Variants in SLC14A2 observed in about 807,000 individuals in gnomAD.
SLC14A2 encodes solute carrier family 14 member 2.
In SLC14A2, 91 loss-of-function variants were observed where a neutral mutation model predicts 104.6. That is an observed-to-expected ratio of 0.87 (90% CI 0.73 to 1.04). SLC14A2 has a LOEUF of 1.04. SLC14A2 is among the 50% of genes least tolerant of loss of function. The pLI is 0.00. For synonymous variants in SLC14A2, 476 were observed against 466.4 expected, an observed-to-expected ratio of 1.02 and a Z score of -0.27; for missense variants, 1,189 against 1,156.0, an observed-to-expected ratio of 1.03 and a Z score of -0.41.
At chr18:45,486,287 T>C (rs2144713741) in intron 2 of SLC14A2, among the ~76,000 whole-genome samples, 1 of 152,272 alleles carries the variant, frequency 6.6e-6, no homozygotes, top group South Asian at 2.1e-4. Context: ...AACAGCTGTG[T>C]CTTGCGGGTT....
chr18:45,225,744 T>C (rs951022315), intron 1 of SLC14A2, among the ~76,000 whole-genome samples: 2 of 152,176 alleles, frequency 1.3e-5, no homozygotes, highest in African/African-American at 4.8e-5. Context: ...TTATTCTCTT[T>C]GAAGCAATTG....
chr18:45,544,962 T>C (rs1334180502), intron 2 of SLC14A2, among the ~76,000 whole-genome samples: 3 of 151,832 alleles, frequency 2.0e-5, no homozygotes, highest in African/African-American at 4.8e-5. Flanking sequence ...CCGGCTAATT[T>C]TGTGTTTTTA....
At chr18:45,209,196 A>T (rs2083940999), upstream of SLC14A2, among the ~76,000 whole-genome samples, 1 of 150,776 alleles carries the variant, frequency 6.6e-6, no homozygotes, top group Non-Finnish European at 1.5e-5. Flanking sequence ...AAAAAAAAAA[A>T]AAATCAGGTG....
chr18:45,353,464 G>T (rs991378788), intron 1 of SLC14A2, among the ~76,000 whole-genome samples: 3 of 152,190 alleles, frequency 2.0e-5, no homozygotes, highest in Admixed American at 1.3e-4. Context: ...TGTCCTTGTA[G>T]GTCAATTGTG....
chr18:45,518,107 A>G (rs2043468236), intron 2 of SLC14A2, among the ~76,000 whole-genome samples: 1 of 152,192 alleles, frequency 6.6e-6, no homozygotes, highest in African/African-American at 2.4e-5. Context: ...AATAGGATAT[A>G]TATTTCCCAA....
rs199889682 is a variant in SLC14A2, at chr18:45,667,076, T to A, written c.1699T>A (p.Cys567Ser). The change falls in exon 13 of 20, where the codon TGT (cysteine) becomes AGT (serine). Residue 567 changes from cysteine to serine, a missense_variant. Cys to Ser is a moderately radical substitution (Grantham distance 112). Transcript: ENST00000255226. Reference protein sequence around the residue: ...LSYITGEMKECGEGLKDKSPV... With the variant: ...LSYITGEMKESGEGLKDKSPV... ...CTACATCACAGGAGAGATGAAGGAG[T>A]GTGGAGAGGGACTTAAAGGTAAAAT... is the stretch of plus-strand genomic sequence containing the variant. 2 of 1,612,838 alleles carry A rather than the reference T, an allele frequency of 1.2e-6. No individual in the cohort carries two copies. Among genetic ancestry groups the A allele is most frequent in the Admixed American group, 3.3e-5 (2 of 59,926 alleles).
chr18:45,239,993 C>A (rs113045381), intron 1 of SLC14A2, among the ~76,000 whole-genome samples: 1 of 151,722 alleles, frequency 6.6e-6, no homozygotes, highest in African/African-American at 2.4e-5. Flanking sequence ...GTATCTATAC[C>A]GCATTTTCTT....
At chr18:45,556,226 T>A (rs147625825) in intron 2 of SLC14A2, among the ~76,000 whole-genome samples, 1 of 152,182 alleles carries the variant, frequency 6.6e-6, no homozygotes, top group Non-Finnish European at 1.5e-5. Flanking sequence ...CCTAGTACCA[T>A]CACCTTGAAA....
intron 1 of SLC14A2, among the ~76,000 whole-genome samples, chr18:45,251,710 G>A (rs1394221760): frequency 1.3e-5 from 2 of 151,956 alleles, no homozygotes; most frequent in African/African-American, 2.4e-5. Context: ...CTCTTATAAC[G>A]ACACCAGTCA....
chr18:45,365,377 T>A (rs1297842744), intron 1 of SLC14A2, among the ~76,000 whole-genome samples: 1 of 152,268 alleles, frequency 6.6e-6, no homozygotes, highest in African/African-American at 2.4e-5. Flanking sequence ...TAAGATCATG[T>A]GTGTTAAGTG....
chr18:45,650,215 C>G (rs1298560121), intron 10 of SLC14A2, among the ~76,000 whole-genome samples: 2 of 152,160 alleles, frequency 1.3e-5, no homozygotes, highest in Non-Finnish European at 2.9e-5. Flanking sequence ...AATAACCTTT[C>G]TTTTCTTCAA....
At chr18:45,294,393 T>G (rs2084900497) in intron 1 of SLC14A2, among the ~76,000 whole-genome samples, 1 of 152,202 alleles carries the variant, frequency 6.6e-6, no homozygotes, top group South Asian at 2.1e-4. Context: ...ATTTAAGGTG[T>G]GAATATTAGC....
chr18:45,355,159 T>A (rs2085539959), intron 1 of SLC14A2, among the ~76,000 whole-genome samples: 1 of 152,100 alleles, frequency 6.6e-6, no homozygotes, highest in Admixed American at 6.5e-5. Flanking sequence ...ATGGGGACAA[T>A]CATAATTGAC....
intron 1 of SLC14A2, among the ~76,000 whole-genome samples, chr18:45,340,616 TA>T (rs2085384219): frequency 6.6e-6 from 1 of 152,186 alleles, no homozygotes; most frequent in Admixed American, 6.5e-5. Context: ...AAGTTAATGG[TA>T]AAAATTACAA....
chr18:45,324,538 C>T (rs1276716581), intron 1 of SLC14A2, among the ~76,000 whole-genome samples: 1 of 152,046 alleles, frequency 6.6e-6, no homozygotes, highest in African/African-American at 2.4e-5. Flanking sequence ...GGCTCAGCTC[C>T]CCTTCCTCCC....
chr18:45,247,104 C>G (rs1193252396), intron 1 of SLC14A2, among the ~76,000 whole-genome samples: 2 of 152,106 alleles, frequency 1.3e-5, no homozygotes, highest in Admixed American at 1.3e-4. Context: ...GTAGGTTCTT[C>G]CCACCCTGAC....
chr18:45,426,698 TACACACACACACACAC>T (rs34456057), intron 1 of SLC14A2, among the ~76,000 whole-genome samples: 1 of 140,960 alleles, frequency 7.1e-6, no homozygotes, highest in Non-Finnish European at 1.5e-5. Flanking sequence ...TATACATACA[TACACACACACACACAC>T]ACACACACAC....
intron 1 of SLC14A2, among the ~76,000 whole-genome samples, chr18:45,245,680 C>T (rs1285820869): frequency 6.6e-6 from 1 of 151,334 alleles, no homozygotes; most frequent in Non-Finnish European, 1.5e-5. Context: ...TCAGTAAGTG[C>T]TGCCAGTTTG....
At chr18:45,509,386 G>T (rs900801973) in intron 2 of SLC14A2, among the ~76,000 whole-genome samples, 1 of 151,440 alleles carries the variant, frequency 6.6e-6, no homozygotes, top group East Asian at 1.9e-4. Context: ...TTTCTCTCTC[G>T]CTACCTCTGT....
Sources: gnomAD v4.1 joint callset for allele counts (sites outside exome capture counted in the v4.1 genomes callset) on GRCh38, gnomAD v4.1.1 for gene constraint, MANE v1.5 for transcripts, NCBI Gene and HGNC (gene_info 2026-07-23, HGNC 2026-07-21) for gene names.